Variants in TMEM272 observed in about 807,000 individuals in gnomAD.
The protein encoded by TMEM272 is transmembrane protein 272.
In TMEM272, 8 loss-of-function variants were observed where a neutral mutation model predicts 3.7. The observed-to-expected ratio is 2.17, with a 90% confidence interval of 1.27 to 3.91. The LOEUF (loss-of-function observed/expected upper bound fraction) is 3.91. TMEM272 is among the 30% of genes most tolerant of loss of function. TMEM272 has a pLI of 0.00. For missense variants in TMEM272, 166 were observed against 91.5 expected (o/e 1.81, Z -3.32); for synonymous variants, 63 against 39.8 (o/e 1.58, Z -2.20).
chr13:51,867,418 T>A, the TMEM272 span, among the ~76,000 whole-genome samples: 6 of 152,290 alleles, frequency 3.9e-5, no homozygotes, highest in African/African-American at 1.4e-4. Context: ...ACTTGGCTGA[T>A]AGTGGTGTCA....
chr13:51,866,083 A>T, the TMEM272 span: 2 of 1,564,496 alleles, frequency 1.3e-6, no homozygotes, highest in Non-Finnish European at 1.7e-6. Context: ...GGGCGTAGCC[A>T]GCATGCAGGT....
the TMEM272 span, among the ~76,000 whole-genome samples, chr13:51,881,754 G>T: frequency 3.9e-5 from 6 of 152,156 alleles, no homozygotes; most frequent in Non-Finnish European, 8.8e-5. Flanking sequence ...CCACCTATGA[G>T]CCAGGAAATG....
the TMEM272 span, among the ~76,000 whole-genome samples, chr13:51,908,008 TA>T: frequency 6.6e-6 from 1 of 152,194 alleles, no homozygotes; most frequent in Non-Finnish European, 1.5e-5. Flanking sequence ...TTAAAATAGT[TA>T]ACACTATCTA....
chr13:51,910,335 A>C, the TMEM272 span: 1 of 1,304,846 alleles, frequency 7.7e-7, no homozygotes, highest in Non-Finnish European at 1.1e-6. Flanking sequence ...AACAAGGCTA[A>C]ATTTTTCAAG....
upstream of TMEM272, among the ~76,000 whole-genome samples, chr13:51,848,700 T>C (rs61957391): frequency 0.012 from 1,853 of 152,284 alleles, 15 homozygotes; most frequent in African/African-American, 0.014. Context: ...TGATGGAAGC[T>C]GTAGAAATGA....
chr13:51,869,841 A>C, the TMEM272 span, among the ~76,000 whole-genome samples: 23 of 152,144 alleles, frequency 1.5e-4, no homozygotes, highest in African/African-American at 5.6e-4. Flanking sequence ...CTGGACCCTC[A>C]AGTACGCTCT....
At chr13:51,874,827 T>G in the TMEM272 span, among the ~76,000 whole-genome samples, 1 of 152,230 alleles carries the variant, frequency 6.6e-6, no homozygotes, top group Non-Finnish European at 1.5e-5. Context: ...TCGTGTTTTA[T>G]GGCTGCGCTG....
chr13:51,820,779 G>A (rs145445657), intron 4 of TMEM272, among the ~76,000 whole-genome samples: 5 of 152,304 alleles, frequency 3.3e-5, no homozygotes, highest in East Asian at 3.9e-4. Flanking sequence ...ATGTGGCCCC[G>A]CTGAGCCAAG....
chr13:51,818,350 G>A (rs1228032968), intron 4 of TMEM272, among the ~76,000 whole-genome samples: 1 of 152,298 alleles, frequency 6.6e-6, no homozygotes, highest in South Asian at 2.1e-4. Context: ...CCTTGGGTAG[G>A]TGATAACTCC....
At chr13:51,844,045 AG>A (rs1956282920) in intron 1 of TMEM272, among the ~76,000 whole-genome samples, 1 of 152,130 alleles carries the variant, frequency 6.6e-6, no homozygotes, top group African/African-American at 2.4e-5. Flanking sequence ...TCCAAGGAGC[AG>A]GGCAGTCCCC....
At chr13:51,927,943 G>A in the TMEM272 span, among the ~76,000 whole-genome samples, 3 of 152,188 alleles carry the variant, frequency 2.0e-5, no homozygotes, top group Non-Finnish European at 4.4e-5. Flanking sequence ...AGAATGGTGA[G>A]TGACTTCCTT....
At chr13:51,876,950 T>C in the TMEM272 span, among the ~76,000 whole-genome samples, 4 of 152,134 alleles carry the variant, frequency 2.6e-5, no homozygotes, top group African/African-American at 9.7e-5. Context: ...GGACCTCCAG[T>C]CAGCAATAAC....
chr13:51,880,119 G>T, the TMEM272 span, among the ~76,000 whole-genome samples: 1 of 152,206 alleles, frequency 6.6e-6, no homozygotes, highest in South Asian at 2.1e-4. Context: ...CTGTTTTTAA[G>T]CTCAAATTTG....
the TMEM272 span, among the ~76,000 whole-genome samples, chr13:51,918,943 C>A: frequency 1.3e-5 from 2 of 151,682 alleles, no homozygotes; most frequent in East Asian, 3.9e-4. Context: ...CCACCATGAC[C>A]GGCCCCATAA....
chr13:51,924,274 C>T, the TMEM272 span, among the ~76,000 whole-genome samples: 10 of 152,148 alleles, frequency 6.6e-5, no homozygotes, highest in Non-Finnish European at 1.3e-4. Context: ...CCCCCTCAGG[C>T]CTGGCTTAAG....
the TMEM272 span, among the ~76,000 whole-genome samples, chr13:51,870,421 A>G: frequency 1.3e-5 from 2 of 152,214 alleles, no homozygotes; most frequent in African/African-American, 4.8e-5. Flanking sequence ...ACAAAGAATA[A>G]TTTTCAAATT....
intron 2 of TMEM272, among the ~76,000 whole-genome samples, chr13:51,838,175 G>A (rs73199786): frequency 0.056 from 8,590 of 152,246 alleles, 316 homozygotes; most frequent in Non-Finnish European, 0.093. Flanking sequence ...TGCCCAGCAC[G>A]GCTGCCATCA....
chr13:51,903,908 A>G, the TMEM272 span, among the ~76,000 whole-genome samples: 4 of 138,626 alleles, frequency 2.9e-5, no homozygotes, highest in Non-Finnish European at 6.3e-5. Flanking sequence ...CCTGCCTCCT[A>G]TGACACCATT....
At chr13:51,900,949 G>A in the TMEM272 span, among the ~76,000 whole-genome samples, 2 of 152,172 alleles carry the variant, frequency 1.3e-5, no homozygotes, top group Non-Finnish European at 2.9e-5. Context: ...ATACAAGGTT[G>A]CCAGGAAAGA....
Sources: allele counts gnomAD v4.1 joint callset (sites outside exome capture counted in the v4.1 genomes callset), GRCh38; gene constraint gnomAD v4.1.1; transcripts MANE v1.5; gene names NCBI Gene and HGNC (gene_info 2026-07-23, HGNC 2026-07-21).